FCRL5: variants seen among roughly 807,000 people sequenced by gnomAD.
The protein encoded by FCRL5 is Fc receptor like 5.
In FCRL5, 79 loss-of-function variants were observed where a neutral mutation model predicts 92.1. That is an observed-to-expected ratio of 0.86 (90% CI 0.72 to 1.03). The LOEUF is 1.03. Among genes scored for constraint, FCRL5 ranks in the 50% least tolerant of loss-of-function variants. The pLI is 0.00. For synonymous variants in FCRL5, 466 were observed against 469.3 expected (o/e 0.99, Z 0.09); for missense variants, 1,160 against 1,181.1 (o/e 0.98, Z 0.26).
chr1:157,518,373 G>T, intron 15 of FCRL5, 56 bp downstream of exon 15: 2 of 1,460,206 alleles, frequency 1.4e-6, no homozygotes, highest in South Asian at 2.3e-5. Context: ...GGTAGAAACT[G>T]AGCTATACTG....
chr1:157,547,756 C>T (rs1313029749), intron 2 of FCRL5, among the ~76,000 whole-genome samples: 1 of 152,128 alleles, frequency 6.6e-6, no homozygotes, highest in African/African-American at 2.4e-5. Context: ...GTGACCAGGA[C>T]AAAGTTACAG....
intron 1 of FCRL5, among the ~76,000 whole-genome samples, chr1:157,550,598 C>A (rs910208164): frequency 6.6e-6 from 1 of 152,330 alleles, no homozygotes; most frequent in East Asian, 1.9e-4. Flanking sequence ...ATTTTCCCTT[C>A]TCTATAATGC....
chr1:157,543,759 G>A (rs1281145742), intron 5 of FCRL5, among the ~76,000 whole-genome samples: 1 of 152,198 alleles, frequency 6.6e-6, no homozygotes, highest in Non-Finnish European at 1.5e-5. Context: ...GGGAGGTGAT[G>A]TAATCTGGGG....
intron 1 of FCRL5, among the ~76,000 whole-genome samples, 171 bp downstream of exon 1, chr1:157,552,161 T>G (rs903625926): frequency 6.6e-6 from 1 of 152,222 alleles, no homozygotes; most frequent in African/African-American, 2.4e-5. Flanking sequence ...GCCATTTTCT[T>G]CAGCCTCAAG....
chr1:157,552,284 A>G, intron 1 of FCRL5, 48 bp downstream of exon 1: 2 of 1,593,924 alleles, frequency 1.3e-6, no homozygotes, highest in Non-Finnish European at 1.7e-6. Flanking sequence ...GTGGAGAGAG[A>G]AGCTGTCCCG....
rs901214678 is a variant in FCRL5, at chr1:157,539,123, G to A, written c.1365C>T (p.Gly455=). The A allele has an allele frequency of 6.2e-7, 1 of 1,614,074 alleles. No homozygotes were observed. The highest frequency in any genetic ancestry group is 8.5e-7 in the Non-Finnish European group (1 of 1,180,004). The change falls in exon 7 of 17, where the codon GGC becomes GGT. Residue 455 remains glycine (G), a synonymous_variant. Coordinates refer to ENST00000361835, the MANE Select transcript of FCRL5 (RefSeq NM_031281.3). The stretch of plus-strand genomic sequence containing the variant: ...GGCTCACCGCCTTACTGCGCTGGGG[G>A]CCAAAGCCATTGTCAGCTGTGCAGT... The part of the protein sequence containing the change: ...NYYCTADNGF[G]PQRSKAVSLS...
intron 15 of FCRL5, among the ~76,000 whole-genome samples, chr1:157,517,776 G>A (rs1405906370): frequency 1.3e-5 from 2 of 152,170 alleles, no homozygotes; most frequent in Non-Finnish European, 2.9e-5. Context: ...ACTAGTACAG[G>A]TAGGTAGGTG....
chr1:157,551,877 A>G (rs1031729854), intron 1 of FCRL5, among the ~76,000 whole-genome samples: 2 of 152,270 alleles, frequency 1.3e-5, no homozygotes, highest in Admixed American at 1.3e-4. Context: ...GTGGTTTGCA[A>G]TTATGTACAA....
chr1:157,552,223 GGA>G (rs1306285701), intron 1 of FCRL5, 107 bp downstream of exon 1: 1 of 1,084,978 alleles, frequency 9.2e-7, no homozygotes, highest in African/African-American at 1.6e-5. Context: ...TCCTAATGTA[GGA>G]GAGAGTCTCT....
intron 2 of FCRL5, among the ~76,000 whole-genome samples, chr1:157,549,229 G>T (rs542845294): frequency 7.1e-6 from 1 of 140,040 alleles, no homozygotes; most frequent in South Asian, 2.2e-4. Flanking sequence ...GGTGGGAATT[G>T]AACAATGAGA....
At chr1:157,542,755 G>T in intron 6 of FCRL5, 104 bp downstream of exon 6, 1 of 1,379,048 alleles carries the variant, frequency 7.3e-7, no homozygotes, top group Non-Finnish European at 9.9e-7. Flanking sequence ...GTTTTCCCAA[G>T]AAAGAAACTG....
intron 6 of FCRL5, among the ~76,000 whole-genome samples, chr1:157,539,944 C>T (rs545649972): frequency 1.3e-5 from 2 of 152,292 alleles, no homozygotes; most frequent in South Asian, 4.1e-4. Context: ...TCCCTTTCAC[C>T]TTTAAATATT....
chr1:157,514,580 T>C lies in FCRL5; in HGVS notation c.*1095A>G, dbSNP rs58335866. The C allele has an allele frequency of 0.041, 6,209 of 152,368 alleles. 433 individuals carry two copies. The highest frequency in any genetic ancestry group is 0.14 in the African/African-American group (5,940 of 41,534). 9.4% of individuals were successfully genotyped at this position (152,368 alleles called of 1,614,324 possible). On this transcript the variant is annotated 3_prime_UTR_variant, in exon 17 of 17. Coordinates refer to ENST00000361835, the MANE Select transcript of FCRL5 (RefSeq NM_031281.3). ...GGGCCTCTGCTGAGACCTATAGGGC[T>C]TCACATGCATGCAGTGCAGTCCCAG...
rs1649873059 is a variant in FCRL5, at chr1:157,515,392, A to G, written c.*283T>C. On this transcript the variant is annotated 3_prime_UTR_variant, in exon 17 of 17. Coordinates refer to ENST00000361835, the MANE Select transcript of FCRL5 (RefSeq NM_031281.3). ...GAGAGCAGTACTCAGAACAGCAACC[A>G]CAGCTGAAGCCCACTAAGGAATCCA... The G allele has an allele frequency of 7.9e-6, 4 of 503,380 alleles. No homozygotes were observed. The Admixed American group carries it at 9.9e-5, about 12-fold the overall frequency. 31.2% of individuals were successfully genotyped at this position (503,380 alleles called of 1,614,324 possible). A position where few individuals can be genotyped will look rare whatever the true frequency, so the allele number is the denominator to read the frequency against.
chr1:157,525,875 T>G (rs1399781370), intron 9 of FCRL5, among the ~76,000 whole-genome samples: 1 of 152,226 alleles, frequency 6.6e-6, no homozygotes, highest in East Asian at 1.9e-4. Context: ...AGTTCAGTTT[T>G]AGAAATGCTC....
At chr1:157,523,700 G>C (rs981655136) in intron 10 of FCRL5, 1 of 152,546 alleles carries the variant, frequency 6.6e-6, no homozygotes, top group African/African-American at 2.4e-5. Flanking sequence ...TTGGGTGATG[G>C]ATGTCCATTT....
intron 6 of FCRL5, among the ~76,000 whole-genome samples, chr1:157,539,820 C>T (rs1454292781): frequency 6.6e-6 from 1 of 152,244 alleles, no homozygotes; most frequent in African/African-American, 2.4e-5. Context: ...GCCCCTCTCT[C>T]ACATGTAAAT....
At chr1:157,534,388 T>C (rs1001974711) in intron 8 of FCRL5, 1 of 719,094 alleles carries the variant, frequency 1.4e-6, no homozygotes, top group African/African-American at 1.7e-5. Context: ...ATACAATAAA[T>C]AAATTCATTT....
chr1:157,520,157 G>C (rs1265631652), intron 12 of FCRL5, among the ~76,000 whole-genome samples: 1 of 152,048 alleles, frequency 6.6e-6, no homozygotes, highest in African/African-American at 2.4e-5. Flanking sequence ...TCGTTGGGGG[G>C]GTCTTATAAG....
Sources: allele counts gnomAD v4.1 joint callset (sites outside exome capture counted in the v4.1 genomes callset), GRCh38; gene constraint gnomAD v4.1.1; transcripts MANE v1.5; gene names NCBI Gene and HGNC (gene_info 2026-07-23, HGNC 2026-07-21).